PCDH15: variants seen among roughly 807,000 people sequenced by gnomAD.
PCDH15 encodes protocadherin related 15.
In PCDH15, 129 loss-of-function variants were observed where a neutral mutation model predicts 178.5. The ratio of observed to expected loss-of-function variants is 0.72; its 90% CI spans 0.63 to 0.84. The LOEUF (loss-of-function observed/expected upper bound fraction) is 0.84. Ranked by LOEUF, PCDH15 falls within the 40% of genes least tolerant of loss-of-function variation. The probability of loss-of-function intolerance (pLI) is 0.00; values close to 1 mark genes in which losing one functional copy is unlikely to be tolerated. For missense variants in PCDH15, 2,230 were observed against 2,099.9 expected (o/e 1.06, Z -1.21); for synonymous variants, 800 against 732.0 (o/e 1.09, Z -1.50).
chr10:54,788,535 TAAG>T (rs1311285059), intron 1 of PCDH15, among the ~76,000 whole-genome samples: 51 of 151,676 alleles, frequency 3.4e-4, no homozygotes, highest in Non-Finnish European at 8.9e-5. Context: ...GGGAAAAAAA[TAAG>T]AAAGTATATC....
chr10:54,442,701 A>T (rs1285845604), intron 3 of PCDH15, among the ~76,000 whole-genome samples: 12 of 150,966 alleles, frequency 7.9e-5, no homozygotes, highest in African/African-American at 2.7e-4. Context: ...AAATGCACAG[A>T]TCTGTCTTCA....
intron 3 of PCDH15, among the ~76,000 whole-genome samples, chr10:54,418,022 G>A (rs2135755952): frequency 6.6e-6 from 1 of 152,266 alleles, no homozygotes; most frequent in African/African-American, 2.4e-5. Context: ...AAAAGATCTG[G>A]TTTAGCATTC....
chr10:55,226,313 AT>A (rs1841038769), intron 1 of PCDH15, among the ~76,000 whole-genome samples: 3 of 152,090 alleles, frequency 2.0e-5, no homozygotes, highest in African/African-American at 7.3e-5. Context: ...ATAGTAATTA[AT>A]TTCTTCAGAT....
chr10:55,197,957 G>A (rs1336788025), intron 1 of PCDH15, among the ~76,000 whole-genome samples: 3 of 152,030 alleles, frequency 2.0e-5, no homozygotes, highest in Admixed American at 6.6e-5. Flanking sequence ...ATTTTGTTAA[G>A]GCTGAATATA....
At chr10:54,920,487 A>G (rs1262214165) in intron 2 of PCDH15, among the ~76,000 whole-genome samples, 1 of 151,408 alleles carries the variant, frequency 6.6e-6, no homozygotes. Context: ...AAAAAAAAAA[A>G]AAAAAAAATC....
At chr10:53,979,502 T>C (rs2090448704) in intron 21 of PCDH15, among the ~76,000 whole-genome samples, 1 of 152,194 alleles carries the variant, frequency 6.6e-6, no homozygotes, top group African/African-American at 2.4e-5. Flanking sequence ...AATTTATTTA[T>C]CTAAGAATGG....
In PCDH15 at chr10:53,888,303, T is replaced by TATAC. The variant is rs1554845181; in HGVS notation, c.3501+14939_3501+14940insGTAT. On this transcript the variant is annotated intron_variant, in intron 26 of 37. Coordinates refer to ENST00000644397, the MANE Select transcript of PCDH15 (RefSeq NM_001384140.1). ...AACACTATATATACATATATATATA[T>TATAC]ATATATGTATATATGTACGTATATA... is the stretch of plus-strand genomic sequence containing the variant. 4.0e-3 allele frequency among the ~76,000 whole-genome samples: 219 copies of TATAC among 54,292 alleles called. 8 individuals are homozygous for TATAC. Among genetic ancestry groups the TATAC allele is most frequent in the Admixed American group, 5.6e-3 (19 of 3,416 alleles). 35.6% of individuals were successfully genotyped at this position (54,292 alleles called of 152,430 possible). A position where few individuals can be genotyped will look rare whatever the true frequency, so the allele number is the denominator to read the frequency against.
chr10:53,864,698 C>A (rs567495977), intron 27 of PCDH15, among the ~76,000 whole-genome samples: 1 of 152,194 alleles, frequency 6.6e-6, no homozygotes, highest in East Asian at 1.9e-4. Context: ...TTTAATAAAT[C>A]CCTGCTTTCC....
At chr10:54,321,100 T>A (rs2061575392) in intron 7 of PCDH15, among the ~76,000 whole-genome samples, 3 of 150,262 alleles carry the variant, frequency 2.0e-5, no homozygotes, top group Non-Finnish European at 4.4e-5. Context: ...AACAAATAAG[T>A]TAATAAAATG....
chr10:55,379,843 C>G (rs879075710), intron 2 of PCDH15, among the ~76,000 whole-genome samples: 1 of 152,086 alleles, frequency 6.6e-6, no homozygotes, highest in African/African-American at 2.4e-5. Context: ...GGAAACATAG[C>G]TCTAATTTTG....
At chr10:55,256,192 T>C (rs1244397063) in intron 1 of PCDH15, among the ~76,000 whole-genome samples, 1 of 152,230 alleles carries the variant, frequency 6.6e-6, no homozygotes, top group African/African-American at 2.4e-5. Flanking sequence ...CCCAGCACCA[T>C]TTATTAAATA....
In PCDH15 at chr10:54,132,840, T is replaced by TAC. The variant is rs5785040; in HGVS notation, c.1917+33_1917+34dup. Reference sequence around the variant, plus strand: ...GCCAAGCTTGTCACTTTAGAATTTATACACACACACACACACACACACCAA... The same window carrying TAC: ...GCCAAGCTTGTCACTTTAGAATTTATACACACACACACACACACACACACCAA... On this transcript the variant is annotated intron_variant, in intron 15 of 37. Transcript: ENST00000644397. 204,371 of 1,470,580 alleles carry TAC rather than the reference T, an allele frequency of 0.14. 7,105 individuals carry two copies. Among genetic ancestry groups the TAC allele is most frequent in the East Asian group, 0.33 (11,151 of 33,686 alleles). The allele number at this position is 1,470,580 out of a possible 1,614,324, so 91.1% of individuals were successfully genotyped here. A position where few individuals can be genotyped will look rare whatever the true frequency, so the allele number is the denominator to read the frequency against.
At chr10:55,531,108 T>C (rs1841444053) in intron 2 of PCDH15, among the ~76,000 whole-genome samples, 1 of 152,022 alleles carries the variant, frequency 6.6e-6, no homozygotes, top group Non-Finnish European at 1.5e-5. Context: ...GCCTGTCTAC[T>C]AGTTACTAAC....
At chr10:54,747,596 A>C (rs1315904720) in intron 1 of PCDH15, among the ~76,000 whole-genome samples, 1 of 152,166 alleles carries the variant, frequency 6.6e-6, no homozygotes, top group African/African-American at 2.4e-5. Context: ...ATTTCCAGAA[A>C]AGTCTTCAAA....
intron 3 of PCDH15, among the ~76,000 whole-genome samples, chr10:54,386,810 A>C (rs1470015258): frequency 6.6e-6 from 1 of 152,220 alleles, no homozygotes; most frequent in Non-Finnish European, 1.5e-5. Flanking sequence ...AAACCTAAAA[A>C]ATAGCAAGTG....
At chr10:55,522,390 T>A (rs1841198389) in intron 2 of PCDH15, among the ~76,000 whole-genome samples, 1 of 151,976 alleles carries the variant, frequency 6.6e-6, no homozygotes, top group East Asian at 1.9e-4. Flanking sequence ...GTCTGGATGA[T>A]CTATCCATTG....
At chr10:54,396,678 A>T (rs1221005489) in intron 3 of PCDH15, among the ~76,000 whole-genome samples, 1 of 152,174 alleles carries the variant, frequency 6.6e-6, no homozygotes, top group Non-Finnish European at 1.5e-5. Flanking sequence ...GCCACTTTTT[A>T]ATTCTGGAAG....
intron 1 of PCDH15, among the ~76,000 whole-genome samples, chr10:55,267,520 A>T (rs1842331379): frequency 6.6e-6 from 1 of 152,190 alleles, no homozygotes; most frequent in East Asian, 1.9e-4. Flanking sequence ...TTTATTTCAC[A>T]TTACACAAAA....
chr10:55,627,042 G>A (rs551075576), intron 2 of PCDH15, among the ~76,000 whole-genome samples: 4 of 152,274 alleles, frequency 2.6e-5, no homozygotes, highest in East Asian at 1.9e-4. Context: ...GAGACAGAAA[G>A]AGAGCTAGAG....
Sources: allele counts gnomAD v4.1 joint callset (sites outside exome capture counted in the v4.1 genomes callset), GRCh38; gene constraint gnomAD v4.1.1; transcripts MANE v1.5; gene names NCBI Gene and HGNC (gene_info 2026-07-23, HGNC 2026-07-21).